Variants in CEACAM6 observed in about 807,000 individuals in gnomAD.
CEACAM6 encodes cell adhesion molecule CEACAM6.
In CEACAM6, 21 loss-of-function variants were observed where a neutral mutation model predicts 32.4. The observed-to-expected ratio is 0.65, with a 90% CI of 0.46 to 0.93. CEACAM6 has a LOEUF of 0.93. CEACAM6 is among the 40% of genes least tolerant of loss of function. The probability of loss-of-function intolerance (pLI) is 0.00; values close to 1 mark genes in which losing one functional copy is unlikely to be tolerated. For missense variants in CEACAM6, 406 were observed against 432.2 expected, an observed-to-expected ratio of 0.94 and a Z score of 0.54; for synonymous variants, 184 against 174.4, an observed-to-expected ratio of 1.06 and a Z score of -0.43.
intron 5 of CEACAM6, among the ~76,000 whole-genome samples, chr19:41,768,708 G>C (rs2072972310): frequency 6.8e-6 from 1 of 147,972 alleles, no homozygotes; most frequent in Admixed American, 6.7e-5. Flanking sequence ...TCCCAGACGG[G>C]GCGGCTGGCC....
At chr19:41,757,334 TCCCTGAACTGAGC>T (rs2072894949) in intron 2 of CEACAM6, among the ~76,000 whole-genome samples, 1 of 151,948 alleles carries the variant, frequency 6.6e-6, no homozygotes, top group African/African-American at 2.4e-5. Context: ...GCTCAACTCT[TCCCTGAACTGAGC>T]CCCTGTACAA....
At chr19:41,760,601 C>T (rs1221670499) in intron 2 of CEACAM6, among the ~76,000 whole-genome samples, 1 of 152,202 alleles carries the variant, frequency 6.6e-6, no homozygotes, top group African/African-American at 2.4e-5. Flanking sequence ...GAATTCTGCT[C>T]TATCTGTAGG....
intron 5 of CEACAM6, among the ~76,000 whole-genome samples, chr19:41,769,820 A>G (rs910811652): frequency 6.8e-6 from 1 of 147,474 alleles, no homozygotes; most frequent in Non-Finnish European, 1.5e-5. Context: ...ATAAATTAAT[A>G]ATTATTATTT....
Position 41,766,213 on chromosome 19 carries a change from C to T in CEACAM6, c.989C>T (p.Thr330Ile), listed in dbSNP as rs2072954771. ...GCTCCTGTCCTCTCAGCTGTGGCCACCGTCGGCATCACGATTGGAGTGCTG... is the reference window on the plus strand; with the variant it reads ...GCTCCTGTCCTCTCAGCTGTGGCCATCGTCGGCATCACGATTGGAGTGCTG... ...GSAPVLSAVATVGITIGVLAR... is the reference protein window; with the variant it reads ...GSAPVLSAVAIVGITIGVLAR... The change falls in exon 5 of 6, where the codon ACC becomes ATC. Residue 330 changes from threonine to isoleucine, a missense_variant. Transcript: ENST00000199764. The T allele has an allele frequency of 6.2e-7, 1 of 1,607,886 alleles. No individual in the cohort carries two copies. Among genetic ancestry groups the T allele is most frequent in the South Asian group, 1.1e-5 (1 of 89,748 alleles).
At position 41,761,981 on chromosome 19, in the gene CEACAM6, T is replaced by G. The variant is rs11548735; in HGVS notation, c.716T>G (p.Val239Gly). The G allele has an allele frequency of 0.56, 902,111 of 1,613,162 alleles. 256,378 individuals carry two copies. The highest frequency in any genetic ancestry group is 0.73 in the Middle Eastern group (4,413 of 6,060). The change falls in exon 4 of 6, where the codon GTC becomes GGC. Residue 239 changes from valine to glycine, a missense_variant. By Grantham distance (109) the Val-to-Gly change is moderately radical. Transcript: ENST00000199764. The part of the protein sequence containing the change: ...VTLNVLYGPD[V>G]PTISPSKANY... ...CTGTTTCCTCCAGATGGCCCAGATG[T>G]CCCCACCATTTCCCCCTCAAAGGCC...
Position 41,755,531 on chromosome 19 carries a change from CAGA to C in CEACAM6, c.-105_-103del, listed in dbSNP as rs2072879361. The C allele has an allele frequency of 2.5e-5, 26 of 1,054,428 alleles. No homozygotes were observed. The highest frequency in any genetic ancestry group is 3.5e-5 in the Non-Finnish European group (24 of 689,188). 65.3% of individuals were successfully genotyped at this position (1,054,428 alleles called of 1,614,324 possible). A position where few individuals can be genotyped will look rare whatever the true frequency, so the allele number is the denominator to read the frequency against. On this transcript the variant is annotated 5_prime_UTR_variant, in exon 1 of 6. Transcript: ENST00000199764. ...TCTATCCCTGAGAGGAGGCTCAGCA[CAGA>C]AGGAGGAAGGACAGCAGGGCCAACA...
At chr19:41,770,255 C>CAA (rs1158293587) in intron 5 of CEACAM6, among the ~76,000 whole-genome samples, 3,614 of 40,406 alleles carry the variant, frequency 0.089, 227 homozygotes, top group African/African-American at 0.23. Flanking sequence ...GCTAAAAATA[C>CAA]AAAAAAAAAA....
At chr19:41,760,904 G>A (rs2072918687) in intron 2 of CEACAM6, among the ~76,000 whole-genome samples, 1 of 152,208 alleles carries the variant, frequency 6.6e-6, no homozygotes, top group Non-Finnish European at 1.5e-5. Flanking sequence ...GCACCTGAAT[G>A]TTTCAGGTGA....
rs55820626 is a variant in CEACAM6, at chr19:41,762,725, C to T, written c.958+502C>T. ...TCAGACTCTGCCCCCATCTCTGCTC[C>T]CAGCACCCCCAGTGACTGACTGACC... On this transcript the variant is annotated intron_variant, in intron 4 of 5. Transcript: ENST00000199764. Among the ~76,000 whole-genome samples, 198 of 152,294 alleles carry T rather than the reference C, an allele frequency of 1.3e-3. 1 individual carries two copies. The highest frequency in any genetic ancestry group is 4.1e-3 in the African/African-American group (172 of 41,556).
chr19:41,767,556 C>T (rs148085491), intron 5 of CEACAM6, among the ~76,000 whole-genome samples: 52 of 152,212 alleles, frequency 3.4e-4, no homozygotes, highest in Non-Finnish European at 6.5e-4. Context: ...GGAATCACTC[C>T]GAAACATTTT....
intron 4 of CEACAM6, among the ~76,000 whole-genome samples, chr19:41,764,309 C>A (rs1305054980): frequency 6.6e-6 from 1 of 152,032 alleles, no homozygotes; most frequent in African/African-American, 2.4e-5. Flanking sequence ...GAGAGTAGGT[C>A]TCACTCTGTA....
intron 5 of CEACAM6, 132 bp downstream of exon 5, chr19:41,766,431 A>T: frequency 2.1e-6 from 1 of 476,738 alleles, no homozygotes; most frequent in Non-Finnish European, 3.7e-6. Flanking sequence ...CTCAGCACTA[A>T]TTCCTGCAGG....
At chr19:41,757,152 T>C (rs2072893490) in intron 2 of CEACAM6, among the ~76,000 whole-genome samples, 193 bp downstream of exon 2, 1 of 152,040 alleles carries the variant, frequency 6.6e-6, no homozygotes. Context: ...ATCCAGACCC[T>C]GCAGACACTC....
chr19:41,762,307 CCAACCTGTGTCCAAGGGG>C lies in CEACAM6; in HGVS notation c.958+87_958+104del, dbSNP rs2072931269. On this transcript the variant is annotated intron_variant, in intron 4 of 5. Transcript: ENST00000199764. ...AAGAGCCAGGAAGAAATTTTCTTTC[CCAACCTGTGTCCAAGGGG>C]CACACGCAAATCCCAAATTCTCCCC... 2.0e-6 allele frequency: 3 copies of C among 1,522,542 alleles called. No individual in the cohort carries two copies. The South Asian group carries it at 3.8e-5, about 19-fold the overall frequency. 94.3% of individuals were successfully genotyped at this position (1,522,542 alleles called of 1,614,324 possible). A position where few individuals can be genotyped will look rare whatever the true frequency, so the allele number is the denominator to read the frequency against.
At chr19:41,763,960 A>C (rs1600498832) in intron 4 of CEACAM6, among the ~76,000 whole-genome samples, 1 of 152,214 alleles carries the variant, frequency 6.6e-6, no homozygotes, top group Admixed American at 6.5e-5. Context: ...TTAAAACACT[A>C]TGTTGAAGAG....
intron 5 of CEACAM6, among the ~76,000 whole-genome samples, chr19:41,769,042 T>A (rs2072975521): frequency 6.6e-6 from 1 of 152,054 alleles, no homozygotes; most frequent in Non-Finnish European, 1.5e-5. Context: ...GCCTCCTGGG[T>A]TCAAGCGATT....
chr19:41,766,305 A>C lies in CEACAM6; in HGVS notation c.*40+6A>C, dbSNP rs781910553. 1 of 1,432,656 alleles carries C rather than the reference A, an allele frequency of 7.0e-7. No homozygotes were observed. The highest frequency in any genetic ancestry group is 1.3e-5 in the South Asian group (1 of 77,982). 88.7% of individuals were successfully genotyped at this position (1,432,656 alleles called of 1,614,324 possible). A position where few individuals can be genotyped will look rare whatever the true frequency, so the allele number is the denominator to read the frequency against. The stretch of plus-strand genomic sequence containing the variant: ...TATTTCAGGAAGACTGGCAGGTATG[A>C]TCGCCTTTCCTCTTGCCATGTTTCC... On this transcript the variant is annotated splice_donor_region_variant and intron_variant, in intron 5 of 5. Transcript: ENST00000199764.
At position 41,761,348 on chromosome 19, in the gene CEACAM6, C is replaced by T. The variant is rs781897263; in HGVS notation, c.524C>T (p.Thr175Ile). 5 of 1,614,118 alleles carry T rather than the reference C, an allele frequency of 3.1e-6. No homozygotes were observed. The highest frequency in any genetic ancestry group is 2.2e-5 in the East Asian group (1 of 44,900). The change falls in exon 3 of 6, where the codon ACC (threonine) becomes ATC (isoleucine). Residue 175 changes from threonine (T) to isoleucine (I), a missense_variant. Thr to Ile is a moderately conservative substitution (Grantham distance 89, BLOSUM62 -1). Coordinates refer to ENST00000199764, the MANE Select transcript of CEACAM6 (RefSeq NM_002483.7). ...FTCEPEVQNT[T>I]YLWWVNGQSL... is the part of the protein sequence containing the mutation. The stretch of plus-strand genomic sequence containing the variant: ...TGTGAACCTGAGGTTCAGAACACAA[C>T]CTACCTGTGGTGGGTAAATGGTCAG...
intron 3 of CEACAM6, among the ~76,000 whole-genome samples, chr19:41,761,746 A>G (rs1391404247): frequency 6.6e-6 from 1 of 152,034 alleles, no homozygotes; most frequent in African/African-American, 2.4e-5. Flanking sequence ...ACCCATTCCC[A>G]TCATCACTCA....
Sources: allele counts gnomAD v4.1 joint callset (sites outside exome capture counted in the v4.1 genomes callset), GRCh38; gene constraint gnomAD v4.1.1; transcripts MANE v1.5; gene names NCBI Gene and HGNC (gene_info 2026-07-23, HGNC 2026-07-21).